Variants in STK10 observed in about 807,000 individuals in gnomAD.
STK10 encodes the protein serine/threonine kinase 10.
STK10 carries 78 observed loss-of-function variants against 113.8 expected under a neutral mutation model. That is an observed-to-expected ratio of 0.69 (90% CI 0.57 to 0.83). STK10 has a LOEUF of 0.83. STK10 is among the 40% of genes least tolerant of loss of function. STK10 has a pLI of 0.00. For missense variants in STK10, 1,109 were observed against 1,280.1 expected, an observed-to-expected ratio of 0.87 and a Z score of 2.04; for synonymous variants, 465 against 494.7, an observed-to-expected ratio of 0.94 and a Z score of 0.80.
Position 172,045,027 on chromosome 5 carries a change from G to A in STK10, c.2767-5C>T, listed in dbSNP as rs1380337285. ...GTTCAGATCCTCTTCCAGAGCCTAG[G>A]GAAGAGAGAGGATGGATGGCACTTG... On this transcript the variant is annotated splice_region_variant and splice_polypyrimidine_tract_variant and intron_variant, in intron 18 of 18. Transcript: ENST00000176763. 1 of 1,613,944 alleles carries A rather than the reference G, an allele frequency of 6.2e-7. No homozygotes were observed. The highest frequency in any genetic ancestry group is 8.5e-7 in the Non-Finnish European group (1 of 1,179,980).
rs2113736835 is a variant in STK10, at chr5:172,086,956, T to C, written c.1685+3276A>G. The stretch of plus-strand genomic sequence containing the variant: ...AATCTAGAATTTATCCCTGAGAACT[T>C]CAATTGCCCAGAGGGGAGGTGATGG... On this transcript the variant is annotated intron_variant, in intron 10 of 18. Coordinates refer to ENST00000176763, the MANE Select transcript of STK10 (RefSeq NM_005990.4). Among the ~76,000 whole-genome samples, 4 of 152,224 alleles carry C rather than the reference T, an allele frequency of 2.6e-5. No individual in the cohort carries two copies. The Middle Eastern group carries it at 0.014, about 518-fold the overall frequency.
Position 172,187,813 on chromosome 5 carries a change from C to A in STK10, c.156+74G>T. 6.4e-7 allele frequency: 1 copy of A among 1,563,862 alleles called. No homozygotes were observed. The highest frequency in any genetic ancestry group is 8.7e-7 in the Non-Finnish European group (1 of 1,154,726). ...CCCTCGGAGCCGGAGCCAGGCTGGC[C>A]GGGTCCGGCTCAGGCATCCCTTCCT... On this transcript the variant is annotated intron_variant, in intron 1 of 18. Coordinates refer to ENST00000176763, the MANE Select transcript of STK10 (RefSeq NM_005990.4). This position sits in a 1 kb window ranked among gnomAD's most constrained non-coding sequence, Gnocchi z 4.6.
intron 1 of STK10, among the ~76,000 whole-genome samples, chr5:172,180,699 C>T (rs1339847667): frequency 1.3e-5 from 2 of 151,822 alleles, no homozygotes; most frequent in African/African-American, 4.8e-5. Context: ...ATCCCAGCTA[C>T]TCAGGAGGCT....
At chr5:172,114,442 A>G (rs1317356837) in intron 4 of STK10, among the ~76,000 whole-genome samples, 1 of 104,724 alleles carries the variant, frequency 9.5e-6, no homozygotes, top group African/African-American at 4.5e-5. Context: ...ATTTATGTAT[A>G]TTAAAATTAT....
intron 2 of STK10, among the ~76,000 whole-genome samples, chr5:172,140,766 T>C (rs1484478026): frequency 6.6e-6 from 1 of 151,908 alleles, no homozygotes; most frequent in Non-Finnish European, 1.5e-5. Context: ...CACTTCTGGG[T>C]ATTTATCCAA....
chr5:172,168,295 C>T (rs765463283), intron 1 of STK10, among the ~76,000 whole-genome samples: 7 of 152,128 alleles, frequency 4.6e-5, no homozygotes, highest in Non-Finnish European at 7.3e-5. Context: ...GGAAGGGCTG[C>T]GACTCTATTT....
intron 1 of STK10, among the ~76,000 whole-genome samples, chr5:172,158,613 C>A (rs1413880518): frequency 6.6e-6 from 1 of 152,008 alleles, no homozygotes; most frequent in Non-Finnish European, 1.5e-5. Context: ...GATGACAGAG[C>A]AAGACTCCAT....
At chr5:172,109,619 C>T (rs1385049515) in intron 4 of STK10, among the ~76,000 whole-genome samples, 4 of 152,122 alleles carry the variant, frequency 2.6e-5, no homozygotes, top group Non-Finnish European at 4.4e-5. Context: ...TAAGATGTAT[C>T]TTTACATGCA....
chr5:172,053,703 C>T (rs893425021), intron 17 of STK10, among the ~76,000 whole-genome samples: 1 of 152,240 alleles, frequency 6.6e-6, no homozygotes, highest in African/African-American at 2.4e-5. Flanking sequence ...CCAGATACCA[C>T]GACCCTACTG....
intron 1 of STK10, among the ~76,000 whole-genome samples, chr5:172,166,851 G>A (rs1473253659): frequency 1.3e-5 from 2 of 152,048 alleles, no homozygotes; most frequent in African/African-American, 4.8e-5. Context: ...GGGAATTTAA[G>A]GCCAGGAAAT....
intron 1 of STK10, among the ~76,000 whole-genome samples, chr5:172,159,893 T>G (rs1770432976): frequency 6.6e-6 from 1 of 151,982 alleles, no homozygotes. Context: ...ATCCCAGCAC[T>G]TTGGGAGGCC....
At chr5:172,173,084 C>G (rs746011470) in intron 1 of STK10, among the ~76,000 whole-genome samples, 13 of 152,158 alleles carry the variant, frequency 8.5e-5, no homozygotes, top group Non-Finnish European at 1.6e-4. Flanking sequence ...GCAGCCAGAC[C>G]AGAGGCCAGC....
At chr5:172,182,614 C>T (rs113424879) in intron 1 of STK10, among the ~76,000 whole-genome samples, 20,330 of 147,046 alleles carry the variant, frequency 0.14, 1,392 homozygotes, top group Middle Eastern at 0.19. Context: ...TTTGCAATGG[C>T]ACAATCTCAG....
intron 2 of STK10, among the ~76,000 whole-genome samples, chr5:172,155,429 C>T (rs1286892689): frequency 2.0e-5 from 3 of 149,700 alleles, no homozygotes; most frequent in South Asian, 2.1e-4. Context: ...ACCCAGGAGG[C>T]GGAGGTTGCA....
intron 2 of STK10, among the ~76,000 whole-genome samples, chr5:172,155,641 C>A (rs1770332896): frequency 1.3e-5 from 2 of 151,390 alleles, no homozygotes; most frequent in South Asian, 4.2e-4. Context: ...AGCCTAAATG[C>A]CCAACAGTAG....
At chr5:172,148,638 A>G (rs1315519129) in intron 2 of STK10, among the ~76,000 whole-genome samples, 2 of 152,024 alleles carry the variant, frequency 1.3e-5, no homozygotes, top group Non-Finnish European at 2.9e-5. Flanking sequence ...CTCACCACCA[A>G]GCCCTGCCAA....
chr5:172,186,584 T>C (rs1371116332), intron 1 of STK10, among the ~76,000 whole-genome samples: 1 of 151,696 alleles, frequency 6.6e-6, no homozygotes, highest in African/African-American at 2.4e-5. Context: ...ATCGGGCCAC[T>C]GCACTCCAGA....
At chr5:172,171,997 G>A (rs888840314) in intron 1 of STK10, among the ~76,000 whole-genome samples, 2 of 151,982 alleles carry the variant, frequency 1.3e-5, no homozygotes, top group African/African-American at 4.8e-5. Flanking sequence ...TTTGAGACCA[G>A]CCTGACCAAC....
chr5:172,067,769 T>C (rs1768100368), intron 12 of STK10, among the ~76,000 whole-genome samples: 1 of 152,036 alleles, frequency 6.6e-6, no homozygotes, highest in South Asian at 2.1e-4. Flanking sequence ...GATTATATAA[T>C]ATGAATGATA....
Sources: gnomAD v4.1 joint callset for allele counts (sites outside exome capture counted in the v4.1 genomes callset) on GRCh38, gnomAD v4.1.1 for gene constraint, Gnocchi (gnomAD v3.1) non-coding constraint, MANE v1.5 for transcripts, NCBI Gene and HGNC (gene_info 2026-07-23, HGNC 2026-07-21) for gene names.